Variants in SDK1 observed in about 807,000 individuals in gnomAD.
SDK1 encodes the protein sidekick cell adhesion molecule 1.
In SDK1, 157 loss-of-function variants were observed where a neutral mutation model predicts 245.5. The ratio of observed to expected loss-of-function variants is 0.64; its 90% CI spans 0.56 to 0.73. SDK1 has a LOEUF of 0.73. Ranked by LOEUF, SDK1 falls within the 30% of genes least tolerant of loss-of-function variation. The probability of loss-of-function intolerance (pLI) is 0.00; values close to 1 mark genes in which losing one functional copy is unlikely to be tolerated. For missense variants in SDK1, 3,583 were observed against 3,002.3 expected (o/e 1.19, Z -4.52); for synonymous variants, 1,647 against 1,278.5 (o/e 1.29, Z -6.15).
At chr7:3,654,252 G>A (rs1323553504) in intron 4 of SDK1, among the ~76,000 whole-genome samples, 1 of 152,176 alleles carries the variant, frequency 6.6e-6, no homozygotes, top group African/African-American at 2.4e-5. Flanking sequence ...GGAAGATGGG[G>A]CACAGCGGGA....
chr7:4,077,682 CAA>C (rs1780783777), intron 21 of SDK1, among the ~76,000 whole-genome samples: 1 of 152,134 alleles, frequency 6.6e-6, no homozygotes. Flanking sequence ...TGGCAGCAGG[CAA>C]AGAGAGAGCC....
At chr7:4,237,432 G>C (rs143513402) in intron 41 of SDK1, among the ~76,000 whole-genome samples, 1 of 152,014 alleles carries the variant, frequency 6.6e-6, no homozygotes, top group Non-Finnish European at 1.5e-5. Context: ...GGCAAATGGG[G>C]GCTGTTGAAT....
At position 3,861,867 on chromosome 7, in the gene SDK1, T is replaced by A. The variant is rs937026054; in HGVS notation, c.847+40284T>A. On this transcript the variant is annotated intron_variant, in intron 5 of 44. Transcript: ENST00000404826. Reference sequence around the variant, plus strand: ...TGTCCTGATTACTGAATTAAAAGAGTTTGTGTTTATCTGTCCCAGTGTAAA... The same window carrying A: ...TGTCCTGATTACTGAATTAAAAGAGATTGTGTTTATCTGTCCCAGTGTAAA... 2.0e-5 allele frequency among the ~76,000 whole-genome samples: 3 copies of A among 151,964 alleles called. No individual in the cohort carries two copies. In the East Asian group the frequency reaches 5.8e-4, roughly 29 times the overall value.
At chr7:4,241,455 C>T (rs563713762) in intron 42 of SDK1, among the ~76,000 whole-genome samples, 57 of 152,140 alleles carry the variant, frequency 3.7e-4, no homozygotes, top group African/African-American at 1.3e-3. Context: ...GGCAACGTAG[C>T]GAGACCCCAT....
At chr7:4,073,769 T>C (rs1780424801) in intron 20 of SDK1, among the ~76,000 whole-genome samples, 1 of 152,074 alleles carries the variant, frequency 6.6e-6, no homozygotes, top group Non-Finnish European at 1.5e-5. Flanking sequence ...TCGTGCACCA[T>C]GAGAAACAAA....
chr7:4,231,803 T>C (rs1785787676), intron 40 of SDK1, among the ~76,000 whole-genome samples: 1 of 152,224 alleles, frequency 6.6e-6, no homozygotes, highest in South Asian at 2.1e-4. Context: ...ATTTTCTGCC[T>C]ATTTACTGTT....
intron 5 of SDK1, among the ~76,000 whole-genome samples, chr7:3,932,031 T>C (rs1451873372): frequency 6.6e-6 from 1 of 152,226 alleles, no homozygotes; most frequent in Non-Finnish European, 1.5e-5. Flanking sequence ...GTTTGCACAG[T>C]CCAGATTTGC....
chr7:4,047,339 C>A (rs1426257670), intron 17 of SDK1, among the ~76,000 whole-genome samples: 1 of 152,170 alleles, frequency 6.6e-6, no homozygotes, highest in African/African-American at 2.4e-5. Context: ...GTATAAGATA[C>A]ACCTCGCTTG....
chr7:3,409,486 C>A (rs537814243), intron 1 of SDK1, among the ~76,000 whole-genome samples: 1 of 152,236 alleles, frequency 6.6e-6, no homozygotes, highest in East Asian at 1.9e-4. Context: ...GTTACTGCTT[C>A]TATTTTCATC....
intron 22 of SDK1, among the ~76,000 whole-genome samples, chr7:4,087,031 A>G (rs1781467739): frequency 1.4e-5 from 2 of 146,192 alleles, no homozygotes; most frequent in East Asian, 2.0e-4. Flanking sequence ...TTGCCATGCA[A>G]AAAAAAAAAA....
At chr7:4,184,225 C>G (rs543730439) in intron 35 of SDK1, among the ~76,000 whole-genome samples, 2 of 152,300 alleles carry the variant, frequency 1.3e-5, no homozygotes, top group East Asian at 3.9e-4. Flanking sequence ...AACTCGTGGG[C>G]CCGAAATGCT....
chr7:3,763,669 C>G (rs1047851633), intron 4 of SDK1, among the ~76,000 whole-genome samples: 2 of 152,074 alleles, frequency 1.3e-5, no homozygotes, highest in Admixed American at 6.5e-5. Context: ...TTTTATTATT[C>G]CTTTCACATG....
chr7:3,535,648 A>G (rs1321656664), intron 1 of SDK1, among the ~76,000 whole-genome samples: 2 of 152,200 alleles, frequency 1.3e-5, no homozygotes, highest in Non-Finnish European at 2.9e-5. Flanking sequence ...ATTGTATGAG[A>G]AACTATGTCT....
At chr7:3,712,318 T>A (rs555664249) in intron 4 of SDK1, among the ~76,000 whole-genome samples, 2 of 152,172 alleles carry the variant, frequency 1.3e-5, no homozygotes, top group African/African-American at 2.4e-5. Context: ...ACGCTACTTA[T>A]GAGAATCTAA....
rs74629782 is a variant in SDK1 at position 3,710,041 on chromosome 7, A to G, written c.713+67936A>G. Among the ~76,000 whole-genome samples, 540 of 152,380 alleles carry G rather than the reference A, an allele frequency of 3.5e-3. 4 individuals are homozygous for G. The highest frequency in any genetic ancestry group is 0.018 in the South Asian group (85 of 4,834). ...ATTACTTGACTATAAAGGAAAAAAA[A>G]TCAGAGATTTTATTAAAACTCTGTA... is the stretch of plus-strand genomic sequence containing the variant. On this transcript the variant is annotated intron_variant, in intron 4 of 44. Transcript: ENST00000404826.
Position 3,325,523 on chromosome 7 carries a change from G to A in SDK1, c.298+23639G>A, listed in dbSNP as rs186135182. 4.1e-3 allele frequency among the ~76,000 whole-genome samples: 619 copies of A among 152,192 alleles called. 7 individuals are homozygous for A. Among genetic ancestry groups the A allele is most frequent in the South Asian group, 0.018 (85 of 4,814 alleles). Reference sequence around the variant, plus strand: ...TTTATTATAATAAGCATGTGAAGAAGCTCTTTTTCTGTAATCCTAGTTCCC... The same window carrying A: ...TTTATTATAATAAGCATGTGAAGAAACTCTTTTTCTGTAATCCTAGTTCCC... On this transcript the variant is annotated intron_variant, in intron 1 of 44. Transcript: ENST00000404826.
chr7:4,156,570 G>T (rs190965174), intron 30 of SDK1, among the ~76,000 whole-genome samples: 3 of 152,344 alleles, frequency 2.0e-5, no homozygotes, highest in African/African-American at 7.2e-5. Flanking sequence ...CAGGCCTTGA[G>T]GTGTGAGCTG....
intron 1 of SDK1, among the ~76,000 whole-genome samples, chr7:3,532,962 T>C (rs962407850): frequency 1.3e-5 from 2 of 152,116 alleles, no homozygotes; most frequent in African/African-American, 4.8e-5. Flanking sequence ...AAAAACATGG[T>C]AGTGGAGAGG....
intron 13 of SDK1, chr7:3,974,885 T>A: frequency 5.1e-6 from 1 of 195,324 alleles, no homozygotes; most frequent in Non-Finnish European, 1.1e-5. Context: ...TTCCACATAA[T>A]ACCCTTGAGA....
Sources: gnomAD v4.1 joint callset for allele counts (sites outside exome capture counted in the v4.1 genomes callset) on GRCh38, gnomAD v4.1.1 for gene constraint, MANE v1.5 for transcripts, NCBI Gene and HGNC (gene_info 2026-07-23, HGNC 2026-07-21) for gene names.